Variants in CEP295 observed in about 807,000 individuals in gnomAD.
CEP295 encodes the protein centrosomal protein 295.
CEP295 carries 190 observed loss-of-function variants against 291.6 expected under a neutral mutation model. That is an observed-to-expected ratio of 0.65 (90% CI 0.58 to 0.73). The LOEUF is 0.73. Ranked by LOEUF, CEP295 falls within the 30% of genes least tolerant of loss-of-function variation. CEP295 has a pLI of 0.00. For synonymous variants in CEP295, 993 were observed against 1,038.8 expected (o/e 0.96, Z 0.85); for missense variants, 2,863 against 2,949.4 (o/e 0.97, Z 0.68).
chr11:93,663,607 A>G (rs749639030), intron 1 of CEP295, among the ~76,000 whole-genome samples: 2 of 152,222 alleles, frequency 1.3e-5, no homozygotes, highest in Non-Finnish European at 2.9e-5. Context: ...TACCATGGTT[A>G]TGTACAAGAC....
In CEP295 at chr11:93,699,244, T is replaced by C. The variant is rs556451606; in HGVS notation, c.4332T>C (p.Gly1444=). The C allele has an allele frequency of 4.5e-6, 7 of 1,551,790 alleles. No homozygotes were observed. Among genetic ancestry groups the C allele is most frequent in the Middle Eastern group, 1.7e-4 (1 of 5,990 alleles). Residue 1444 remains glycine, a synonymous_variant, in exon 15 of 30, where the codon GGT becomes GGC. Transcript: ENST00000325212. ...EIPTLPDGLL[G]LSHLVLPQQD... The stretch of plus-strand genomic sequence containing the variant: ...CAACATTGCCTGATGGGCTGTTGGG[T>C]TTATCACATCTTGTTTTACCTCAAC...
intron 9 of CEP295, among the ~76,000 whole-genome samples, chr11:93,686,226 G>A (rs988570122): frequency 2.0e-5 from 3 of 151,946 alleles, no homozygotes; most frequent in Admixed American, 6.6e-5. Context: ...GGCTGAGGCA[G>A]GATAATCGCT....
At chr11:93,728,104 T>C (rs1937627790) in intron 24 of CEP295, 1 of 156,498 alleles carries the variant, frequency 6.4e-6, no homozygotes, top group East Asian at 1.9e-4. Context: ...GCTCCTCATA[T>C]TAAGCAACTT....
rs997093504 is a variant in CEP295, at chr11:93,698,760, C to G, written c.3848C>G (p.Ser1283Cys). 2 of 1,551,588 alleles carry G rather than the reference C, an allele frequency of 1.3e-6. No homozygotes were observed. Among genetic ancestry groups the G allele is most frequent in the Admixed American group, 2.0e-5 (1 of 50,970 alleles). The part of the protein sequence containing the change: ...FSQKTQENTS[S>C]EQTGSSSFIP... ...CAGAAAACCCAAGAAAATACATCTT[C>G]TGAACAAACTGGTTCATCTTCATTC... The change falls in exon 15 of 30, where the codon TCT becomes TGT. Residue 1283 changes from serine (S) to cysteine (C), a missense_variant. Physicochemically the swap from Ser to Cys is moderately radical, Grantham distance 112. Transcript: ENST00000325212.
intron 18 of CEP295, among the ~76,000 whole-genome samples, chr11:93,711,011 C>G (rs1952858105): frequency 6.6e-6 from 1 of 152,012 alleles, no homozygotes; most frequent in Non-Finnish European, 1.5e-5. Context: ...ATTAGTCTGA[C>G]TAAAGATCTG....
intron 18 of CEP295, among the ~76,000 whole-genome samples, chr11:93,719,914 T>C (rs1953570213): frequency 6.6e-6 from 1 of 152,152 alleles, no homozygotes; most frequent in Admixed American, 6.5e-5. Flanking sequence ...AGTTGGTCAC[T>C]TGGAATAAGA....
At chr11:93,682,193 T>C (rs1951008746) in intron 7 of CEP295, among the ~76,000 whole-genome samples, 1 of 152,116 alleles carries the variant, frequency 6.6e-6, no homozygotes, top group South Asian at 2.1e-4. Flanking sequence ...ATAAGTAATG[T>C]ATATATGTTA....
chr11:93,726,076 A>ATAAC (rs1315227663), intron 23 of CEP295, among the ~76,000 whole-genome samples: 2 of 152,102 alleles, frequency 1.3e-5, no homozygotes, highest in Non-Finnish European at 2.9e-5. Flanking sequence ...TCATTATGTG[A>ATAAC]TAGTTAACAG....
rs145087284 is a variant in CEP295, at chr11:93,693,787, C to G, written c.1534-1710C>G. On this transcript the variant is annotated intron_variant, in intron 12 of 29. Coordinates refer to ENST00000325212, the MANE Select transcript of CEP295 (RefSeq NM_033395.2). Reference sequence around the variant, plus strand: ...GAAAAAAAGAAAAAAAGAAAAATTTCTCATCAATAGTCTAGAACAGTATTG... The same window carrying G: ...GAAAAAAAGAAAAAAAGAAAAATTTGTCATCAATAGTCTAGAACAGTATTG... Among the ~76,000 whole-genome samples the G allele has an allele frequency of 7.1e-3, 1,081 of 152,204 alleles. 11 individuals are homozygous for G. Among genetic ancestry groups the G allele is most frequent in the African/African-American group, 0.025 (1,043 of 41,544 alleles).
intron 15 of CEP295, among the ~76,000 whole-genome samples, chr11:93,701,595 T>C (rs1423432861): frequency 1.3e-5 from 2 of 151,966 alleles, no homozygotes; most frequent in Non-Finnish European, 1.5e-5. Context: ...TTTTTGTTTG[T>C]TTTTTGTTTG....
intron 17 of CEP295, among the ~76,000 whole-genome samples, chr11:93,703,547 A>G (rs1169409860): frequency 6.6e-6 from 1 of 150,518 alleles, no homozygotes; most frequent in African/African-American, 2.4e-5. Context: ...TCTGCCTTCT[A>G]AATGTGTTTC....
chr11:93,721,941 C>T lies in CEP295; in HGVS notation c.5851-13C>T, dbSNP rs1400086416. ...TTGCTACATTGTGGTATGATATTCC[C>T]CTTAATTTCTAGGCTAAAACACTGT... On this transcript the variant is annotated splice_polypyrimidine_tract_variant and intron_variant, in intron 19 of 29. Transcript: ENST00000325212. 18 of 1,580,210 alleles carry T rather than the reference C, an allele frequency of 1.1e-5. No individual in the cohort carries two copies. The highest frequency in any genetic ancestry group is 1.5e-5 in the Non-Finnish European group (17 of 1,149,528).
chr11:93,692,451 T>C (rs1339535990), intron 12 of CEP295, among the ~76,000 whole-genome samples: 3 of 152,164 alleles, frequency 2.0e-5, no homozygotes, highest in Non-Finnish European at 4.4e-5. Flanking sequence ...TGAAAAATAA[T>C]ACTTCAGAGG....
Position 93,702,604 on chromosome 11 carries a change from T to C in CEP295, c.5419T>C (p.Leu1807=). The change falls in exon 16 of 30, where the codon TTG becomes CTG. Residue 1807 remains leucine, a synonymous_variant. Coordinates refer to ENST00000325212, the MANE Select transcript of CEP295 (RefSeq NM_033395.2). The part of the protein sequence containing the change: ...ADRNNSDDNH[L]ASEDTSAKQS... ...TAGGAACAACTCTGATGATAATCAT[T>C]TGGCTTCAGAAGATACTAGTGCCAA... is the stretch of plus-strand genomic sequence containing the variant. 6.5e-7 allele frequency: 1 copy of C among 1,548,506 alleles called. No individual in the cohort carries two copies. Among genetic ancestry groups the C allele is most frequent in the Non-Finnish European group, 8.7e-7 (1 of 1,146,052 alleles).
At position 93,668,889 on chromosome 11, in the gene CEP295, G is replaced by T. The variant is rs763135050; in HGVS notation, c.391G>T (p.Val131Leu). 4.4e-6 allele frequency: 6 copies of T among 1,379,282 alleles called. No homozygotes were observed. Among genetic ancestry groups the T allele is most frequent in the Non-Finnish European group, 6.0e-6 (6 of 1,004,636 alleles). 85.4% of individuals were successfully genotyped at this position (1,379,282 alleles called of 1,614,324 possible). Residue 131 changes from valine (V) to leucine (L), a missense_variant, in exon 4 of 30, where the codon GTA (valine) becomes TTA (leucine). Coordinates refer to ENST00000325212, the MANE Select transcript of CEP295 (RefSeq NM_033395.2). Reference protein sequence around the residue: ...ADLRHKEALKVQKNQKEILLK... With the variant: ...ADLRHKEALKLQKNQKEILLK... Reference sequence around the variant, plus strand: ...TTTGAGGCATAAAGAAGCCTTGAAAGTACAGAAAAATCAAAAAGAAATATT... The same window carrying T: ...TTTGAGGCATAAAGAAGCCTTGAAATTACAGAAAAATCAAAAAGAAATATT...
At chr11:93,696,510 C>T in intron 14 of CEP295, 93 bp downstream of exon 14, 1 of 1,100,782 alleles carries the variant, frequency 9.1e-7, no homozygotes, top group East Asian at 2.6e-5. Flanking sequence ...TTTGGATTTC[C>T]TTAGAATTAT....
chr11:93,724,279 G>C lies in CEP295; in HGVS notation c.6222G>C (p.Leu2074Phe). Residue 2074 changes from leucine to phenylalanine, a missense_variant, in exon 22 of 30, where the codon TTG becomes TTC. Around this residue, in one of 3 missense-constraint regions of CEP295, gnomAD observed 2,295 missense variants for 2,335.7 expected, o/e 0.98. Transcript: ENST00000325212. Reference sequence around the variant, plus strand: ...AATTGGAACACATTTTTCCTAATTTGCATCATCAGCTGTTTAAACCCTTAG... The same window carrying C: ...AATTGGAACACATTTTTCCTAATTTCCATCATCAGCTGTTTAAACCCTTAG... ...LQELEHIFPN[L>F]HHQLFKPLEP... The C allele has an allele frequency of 6.5e-7, 1 of 1,548,638 alleles. No homozygotes were observed. Among genetic ancestry groups the C allele is most frequent in the Non-Finnish European group, 8.7e-7 (1 of 1,146,020 alleles).
rs547836806 is a variant in CEP295 at position 93,661,984 on chromosome 11, G to C, written c.-27+210G>C. On this transcript the variant is annotated intron_variant, in intron 1 of 29. Coordinates refer to ENST00000325212, the MANE Select transcript of CEP295 (RefSeq NM_033395.2). ...TGTAAGGAGTGTCCGGACCAGACCC[G>C]GTAACTCAGTGCGAGAGGCTTTGCG... 7.9e-5 allele frequency among the ~76,000 whole-genome samples: 12 copies of C among 152,304 alleles called. No individual in the cohort carries two copies. The South Asian group carries it at 2.3e-3, about 29-fold the overall frequency.
chr11:93,698,905 A>G lies in CEP295; in HGVS notation c.3993A>G (p.Pro1331=). Residue 1331 remains proline (P), a synonymous_variant, in exon 15 of 30, where the codon CCA becomes CCG. Transcript: ENST00000325212. The part of the protein sequence containing the change: ...SKIFSSHLQI[P]QLQDRLLRIS... ...TTTTTTCAAGCCACCTTCAGATCCC[A>G]CAATTGCAGGATAGGCTTTTGAGGA... 1 of 1,551,680 alleles carries G rather than the reference A, an allele frequency of 6.4e-7. No individual in the cohort carries two copies. Among genetic ancestry groups the G allele is most frequent in the South Asian group, 1.2e-5 (1 of 84,062 alleles).
Sources: allele counts gnomAD v4.1 joint callset (sites outside exome capture counted in the v4.1 genomes callset), GRCh38; gene constraint gnomAD v4.1.1; regional missense constraint gnomAD v4.1.1; transcripts MANE v1.5; gene names NCBI Gene and HGNC (gene_info 2026-07-23, HGNC 2026-07-21).